MERTK: variants seen among roughly 807,000 people sequenced by gnomAD.
The protein encoded by MERTK is MER proto-oncogene, tyrosine kinase, also known as tyrosine-protein kinase Mer.
In MERTK, 69 loss-of-function variants were observed where a neutral mutation model predicts 99.3. That is an observed-to-expected ratio of 0.70 (90% confidence interval 0.57 to 0.85). The LOEUF is 0.85. Among genes scored for constraint, MERTK ranks in the 40% least tolerant of loss-of-function variants. MERTK has a pLI of 0.00. For missense variants in MERTK, 1,125 were observed against 1,249.4 expected (o/e 0.90, Z 1.50); for synonymous variants, 426 against 467.6 (o/e 0.91, Z 1.15).
chr2:111,965,472 C>A (rs561137318), intron 5 of MERTK, among the ~76,000 whole-genome samples, 195 bp downstream of exon 5: 3 of 152,302 alleles, frequency 2.0e-5, no homozygotes, highest in African/African-American at 7.2e-5. Flanking sequence ...ACAGAACCTA[C>A]CTATTGTTGA....
chr2:112,021,696 G>A, intron 17 of MERTK, 115 bp downstream of exon 17: 1 of 956,992 alleles, frequency 1.0e-6, no homozygotes, highest in Non-Finnish European at 1.6e-6. Context: ...CTGAGGGTTG[G>A]CAGCTTGCTC....
chr2:112,007,209 C>CT (rs1677000109), intron 13 of MERTK, among the ~76,000 whole-genome samples: 1 of 152,148 alleles, frequency 6.6e-6, no homozygotes, highest in African/African-American at 2.4e-5. Flanking sequence ...GGCTGGAGTG[C>CT]GGTAGCACGA....
At chr2:112,004,430 G>A (rs1011884212) in intron 13 of MERTK, among the ~76,000 whole-genome samples, 9 of 152,290 alleles carry the variant, frequency 5.9e-5, no homozygotes, top group Admixed American at 4.6e-4. Context: ...CCCTGAGGAA[G>A]CTGCGGGCTG....
intron 4 of MERTK, among the ~76,000 whole-genome samples, chr2:111,950,774 A>G (rs189156691): frequency 8.1e-4 from 124 of 152,314 alleles, no homozygotes; most frequent in Middle Eastern, 6.8e-3. Context: ...TAAAAATCCT[A>G]GAATCCACTT....
chr2:112,002,950 G>A (rs1255764439), intron 11 of MERTK, 142 bp from the exon 12 acceptor site: 2 of 531,914 alleles, frequency 3.8e-6, no homozygotes, highest in Admixed American at 2.7e-5. Context: ...TCCAGCCTGG[G>A]CAACAGAGCT....
chr2:112,010,365 T>C, intron 15 of MERTK: 1 of 360,286 alleles, frequency 2.8e-6, no homozygotes, highest in Non-Finnish European at 5.4e-6. Context: ...ACAACCCTCA[T>C]GGCCGCATAC....
chr2:111,928,975 T>A, intron 1 of MERTK, 145 bp from the exon 2 acceptor site: 1 of 773,066 alleles, frequency 1.3e-6, no homozygotes, highest in Non-Finnish European at 2.2e-6. Flanking sequence ...TATGTCCAGA[T>A]GTGTGTGTTA....
intron 15 of MERTK, among the ~76,000 whole-genome samples, chr2:112,010,490 T>G (rs1443092105): frequency 6.6e-6 from 1 of 152,180 alleles, no homozygotes; most frequent in Non-Finnish European, 1.5e-5. Flanking sequence ...CCAAGAAGAC[T>G]GCACAACTGA....
rs184519484 is a variant in MERTK at position 111,949,698 on chromosome 2, A to G, written c.757+2131A>G. On this transcript the variant is annotated intron_variant, in intron 4 of 18. Coordinates refer to ENST00000295408, the MANE Select transcript of MERTK (RefSeq NM_006343.3). ...GTAGCTACCACCTCGGTCAAGATAT[A>G]GAATATTGCCATCACTTCAGAAAGT... Among the ~76,000 whole-genome samples the G allele has an allele frequency of 2.2e-4, 34 of 152,262 alleles. No homozygotes were observed. In the East Asian group the frequency reaches 6.0e-3, roughly 27 times the overall value.
chr2:112,003,224 T>G, intron 12 of MERTK, 37 bp downstream of exon 12: 1 of 960,044 alleles, frequency 1.0e-6, no homozygotes, highest in Non-Finnish European at 1.7e-6. Flanking sequence ...AAATGTGGGA[T>G]AAGAAGGTAG....
At chr2:111,925,541 G>C (rs1027787444) in intron 1 of MERTK, among the ~76,000 whole-genome samples, 23 of 151,516 alleles carry the variant, frequency 1.5e-4, no homozygotes, top group Middle Eastern at 3.4e-3. Flanking sequence ...GACCTCAGGT[G>C]ATCCACCCAC....
At position 112,028,836 on chromosome 2, in the gene MERTK, C is replaced by T; in HGVS notation, c.2972C>T (p.Ser991Phe). ...GATGAACTTTTGTTTGCTGACGACT[C>T]CTCAGAAGGCTCAGAAGTCCTGATG... ...LPDELLFADD[S>F]SEGSEVLM Residue 991 changes from serine (S) to phenylalanine (F), a missense_variant, in exon 19 of 19, where the codon TCC (serine) becomes TTC (phenylalanine). Ser to Phe is a radical substitution (Grantham distance 155). Coordinates refer to ENST00000295408, the MANE Select transcript of MERTK (RefSeq NM_006343.3). The T allele has an allele frequency of 2.5e-6, 4 of 1,613,980 alleles. No individual in the cohort carries two copies. Among genetic ancestry groups the T allele is most frequent in the Non-Finnish European group, 8.5e-7 (1 of 1,180,036 alleles).
At chr2:112,019,596 C>T in intron 16 of MERTK, 74 bp downstream of exon 16, 1 of 1,135,296 alleles carries the variant, frequency 8.8e-7, no homozygotes, top group East Asian at 2.3e-5. Context: ...GTGAGAGGAC[C>T]TGTTCCTGTT....
At chr2:111,949,469 A>G (rs1039885157) in intron 4 of MERTK, among the ~76,000 whole-genome samples, 1 of 152,128 alleles carries the variant, frequency 6.6e-6, no homozygotes, top group Admixed American at 6.5e-5. Flanking sequence ...TCTCTCCTTC[A>G]TCTGAGTTTT....
chr2:111,961,050 C>G (rs1315774743), intron 4 of MERTK, among the ~76,000 whole-genome samples: 3 of 150,770 alleles, frequency 2.0e-5, no homozygotes, highest in South Asian at 4.2e-4. Flanking sequence ...ATTCACTACA[C>G]AAACTAGTAG....
chr2:111,985,983 A>G (rs1676472276), intron 8 of MERTK, among the ~76,000 whole-genome samples: 1 of 152,190 alleles, frequency 6.6e-6, no homozygotes, highest in Non-Finnish European at 1.5e-5. Flanking sequence ...CTTTGTTGTA[A>G]TCATTTTTAG....
At position 111,929,341 on chromosome 2, in the gene MERTK, GC is replaced by G. The variant is rs1684625436; in HGVS notation, c.285del (p.Phe96SerfsTer8). Reference protein sequence around the residue: ...SVESKPLPPLAFKHTVGHIIL... With the variant: ...SVESKPLPPLXFKHTVGHIIL... ...CGAATCAAAGCCCCTACCGCCTCTT[GC>G]CTTCAAACACACAGTTGGACACATA... On this transcript the variant is annotated frameshift_variant, in exon 2 of 19. Coordinates refer to ENST00000295408, the MANE Select transcript of MERTK (RefSeq NM_006343.3). LOFTEE classifies it high-confidence loss of function. 6.2e-7 allele frequency: 1 copy of G among 1,614,018 alleles called. No homozygotes were observed. The highest frequency in any genetic ancestry group is 8.5e-7 in the Non-Finnish European group (1 of 1,180,040).
chr2:111,909,012 A>G lies in MERTK; in HGVS notation c.61+10216A>G, dbSNP rs1001405540. On this transcript the variant is annotated intron_variant, in intron 1 of 18. Transcript: ENST00000295408. ...AAATACAAATGGCTAACAGATAAAT[A>G]TATGAAAAAATGCTTAACATCACTA... Among the ~76,000 whole-genome samples the G allele has an allele frequency of 6.6e-5, 10 of 152,376 alleles. No individual in the cohort carries two copies. In the East Asian group the frequency reaches 7.7e-4, roughly 12 times the overall value.
chr2:111,898,917 C>G (rs1202144113), intron 1 of MERTK, 121 bp downstream of exon 1: 1 of 1,047,158 alleles, frequency 9.5e-7, no homozygotes, highest in Non-Finnish European at 1.3e-6. Flanking sequence ...TTTGCAAACA[C>G]CCTCCACCCA....
Sources: allele counts gnomAD v4.1 joint callset (sites outside exome capture counted in the v4.1 genomes callset), GRCh38; gene constraint gnomAD v4.1.1; transcripts MANE v1.5; gene names NCBI Gene and HGNC (gene_info 2026-07-23, HGNC 2026-07-21).